PFAS: variants seen among roughly 807,000 people sequenced by gnomAD.
PFAS encodes the protein phosphoribosylformylglycinamidine synthase, also known as FGAM synthase.
Under a neutral mutation model 140.6 loss-of-function variants are expected in PFAS, and 97 were observed. That is an observed-to-expected ratio of 0.69 (90% CI 0.59 to 0.82). The LOEUF (loss-of-function observed/expected upper bound fraction) is 0.82, where lower values mean the gene tolerates loss of function less well. Among genes scored for constraint, PFAS ranks in the 40% least tolerant of loss-of-function variants. The pLI, the probability that PFAS is intolerant of heterozygous loss-of-function variation, is 0.00. For missense variants in PFAS, 1,656 were observed against 1,780.2 expected, an observed-to-expected ratio of 0.93 and a Z score of 1.26; for synonymous variants, 679 against 718.8, an observed-to-expected ratio of 0.94 and a Z score of 0.88.
At chr17:8,254,349 C>G in intron 3 of PFAS, 48 bp downstream of exon 3, 1 of 1,605,590 alleles carries the variant, frequency 6.2e-7, no homozygotes, top group Non-Finnish European at 8.5e-7. Flanking sequence ...TCCTTTGCTT[C>G]CTCTTGTGAT....
In PFAS at chr17:8,256,875, C is replaced by T. The variant is rs748748477; in HGVS notation, c.987C>T (p.Gly329=). Residue 329 remains glycine (G), a synonymous_variant, in exon 9 of 28, where the codon GGC becomes GGT. Coordinates refer to ENST00000314666, the MANE Select transcript of PFAS (RefSeq NM_012393.3). ...PFSGATTGTG[G]RIRDVQCTGR... ...GTGGTGCAACCACTGGCACAGGGGG[C>T]CGGATTCGAGATGTCCAGTGCACAG... 1.9e-6 allele frequency: 3 copies of T among 1,613,084 alleles called. No individual in the cohort carries two copies. The highest frequency in any genetic ancestry group is 1.7e-6 in the Non-Finnish European group (2 of 1,179,440).
intron 11 of PFAS, among the ~76,000 whole-genome samples, chr17:8,259,178 A>G (rs1400553342): frequency 2.0e-5 from 3 of 151,436 alleles, no homozygotes; most frequent in Admixed American, 2.0e-4. Flanking sequence ...GCTACTGTCA[A>G]TGTAACATGG....
upstream of PFAS, chr17:8,248,197 G>C (rs1047632719): frequency 4.7e-6 from 3 of 634,702 alleles, no homozygotes; most frequent in Non-Finnish European, 8.6e-6. Context: ...TCCGCGAGGC[G>C]CCTCGGTGCA....
chr17:8,268,463 G>T, intron 26 of PFAS, 70 bp from the exon 27 acceptor site: 3 of 1,035,304 alleles, frequency 2.9e-6, no homozygotes, highest in Non-Finnish European at 2.9e-6. Flanking sequence ...GAGCAGTTAT[G>T]CCCCTTCATT....
intron 7 of PFAS, 23 bp from the exon 8 acceptor site, chr17:8,256,501 G>GT (rs1380929999): frequency 3.7e-6 from 6 of 1,613,930 alleles, no homozygotes; most frequent in Non-Finnish European, 5.1e-6. Context: ...AGGAAGCAAG[G>GT]TCCATGACGG....
In PFAS at chr17:8,255,566, CAG is replaced by C; in HGVS notation, c.452_453del (p.Glu151AlafsTer13). The C allele has an allele frequency of 1.3e-6, 2 of 1,549,204 alleles. No individual in the cohort carries two copies. The highest frequency in any genetic ancestry group is 2.2e-5 in the East Asian group (1 of 44,652). ...CTGGCTACCCTGCACGACCGGATGA[CAG>C]AGCAGCACTTCCCCCATCCCATCCA... is the stretch of plus-strand genomic sequence containing the variant. On this transcript the variant is annotated frameshift_variant, in exon 5 of 28. Coordinates refer to ENST00000314666, the MANE Select transcript of PFAS (RefSeq NM_012393.3). LOFTEE classifies it high-confidence loss of function.
At chr17:8,251,833 G>C (rs11868250) in intron 1 of PFAS, among the ~76,000 whole-genome samples, 1 of 151,332 alleles carries the variant, frequency 6.6e-6, no homozygotes, top group Admixed American at 6.6e-5. Flanking sequence ...CACCACGCCC[G>C]GCTAATTTTT....
chr17:8,248,149 G>C, upstream of PFAS: 1 of 781,482 alleles, frequency 1.3e-6, no homozygotes, highest in Non-Finnish European at 2.2e-6. Flanking sequence ...GCCACCTCCA[G>C]CTCCTTCTCG....
In PFAS at chr17:8,265,986, G is replaced by C; in HGVS notation, c.2670G>C (p.Arg890=). The change falls in exon 21 of 28, where the codon CGG becomes CGC. Residue 890 remains arginine, a synonymous_variant. Transcript: ENST00000314666. The part of the protein sequence containing the change: ...PDLDLPENLV[R]AFSITQGLLK... ...TGGACCTTCCTGAGAACTTGGTGCG[G>C]GCCTTCAGCATCACTCAGGGGCTGC... 1 of 1,612,522 alleles carries C rather than the reference G, an allele frequency of 6.2e-7. No individual in the cohort carries two copies. Among genetic ancestry groups the C allele is most frequent in the South Asian group, 1.1e-5 (1 of 90,882 alleles).
chr17:8,253,545 T>C lies in PFAS; in HGVS notation c.-79-314T>C, dbSNP rs1597415287. 1.3e-5 allele frequency among the ~76,000 whole-genome samples: 2 copies of C among 152,200 alleles called. 1 individual carries two copies. Among genetic ancestry groups the C allele is most frequent in the South Asian group, 4.1e-4 (2 of 4,834 alleles). ...GCCATAGTTAATGTTATTTTTATTT[T>C]ATTTATTTATTGAGACGGAGTTTTG... is the stretch of plus-strand genomic sequence containing the variant. On this transcript the variant is annotated intron_variant, in intron 1 of 27. Transcript: ENST00000314666.
chr17:8,254,604 A>G (rs1655305025), intron 3 of PFAS, among the ~76,000 whole-genome samples: 1 of 152,136 alleles, frequency 6.6e-6, no homozygotes, highest in South Asian at 2.1e-4. Flanking sequence ...GGAGATTGAG[A>G]CCATCCTGGC....
At chr17:8,257,272 C>A (rs1204528265) in intron 9 of PFAS, among the ~76,000 whole-genome samples, 1 of 152,178 alleles carries the variant, frequency 6.6e-6, no homozygotes, top group African/African-American at 2.4e-5. Flanking sequence ...GCCTGAGAAA[C>A]TTGGCTGGGC....
In PFAS at chr17:8,265,471, G is replaced by A. The variant is rs1989775895; in HGVS notation, c.2461+3G>A. ...CACTGAGACCGTGCGGGCTCCTGGTGAGGTGTGGGAGCCCCAGGGAGGGGA... is the reference window on the plus strand; with the variant it reads ...CACTGAGACCGTGCGGGCTCCTGGTAAGGTGTGGGAGCCCCAGGGAGGGGA... On this transcript the variant is annotated splice_donor_region_variant and intron_variant, in intron 19 of 27. Transcript: ENST00000314666. The A allele has an allele frequency of 6.2e-7, 1 of 1,613,414 alleles. No homozygotes were observed.
At position 8,266,439 on chromosome 17, in the gene PFAS, C is replaced by A; in HGVS notation, c.2821+86C>A. The A allele has an allele frequency of 6.4e-7, 1 of 1,557,396 alleles. No homozygotes were observed. Among genetic ancestry groups the A allele is most frequent in the Non-Finnish European group, 8.7e-7 (1 of 1,149,822 alleles). ...TTCCAATATATTAAAGAGTGGAGTG[C>A]CCTCCAGTCCCCTTTCCCTGAGTCT... On this transcript the variant is annotated intron_variant, in intron 22 of 27. Coordinates refer to ENST00000314666, the MANE Select transcript of PFAS (RefSeq NM_012393.3). The surrounding 1 kb of genome is among the most constrained non-coding windows in gnomAD (Gnocchi z 5.0).
At chr17:8,255,424 A>G in intron 4 of PFAS, 78 bp from the exon 5 acceptor site, 1 of 1,142,262 alleles carries the variant, frequency 8.8e-7, no homozygotes, top group Admixed American at 2.4e-5. Flanking sequence ...TTGCATGACT[A>G]AGAGGGTAGG....
At chr17:8,257,760 C>T in intron 9 of PFAS, 47 bp from the exon 10 acceptor site, 2 of 1,608,970 alleles carry the variant, frequency 1.2e-6, no homozygotes, top group Non-Finnish European at 1.7e-6. Context: ...TCCGGCCTGT[C>T]TTCACAGTTC....
chr17:8,259,900 A>T (rs1462954162), intron 11 of PFAS, among the ~76,000 whole-genome samples: 1 of 152,218 alleles, frequency 6.6e-6, no homozygotes, highest in Non-Finnish European at 1.5e-5. Flanking sequence ...CAGGAGTTCA[A>T]GACCAGCCTG....
chr17:8,248,106 G>A, upstream of PFAS: 1 of 1,024,108 alleles, frequency 9.8e-7, no homozygotes, highest in Non-Finnish European at 1.5e-6. Context: ...GTGGGGGGGC[G>A]CTCGGTGACG....
intron 11 of PFAS, among the ~76,000 whole-genome samples, chr17:8,259,161 A>G (rs151283215): frequency 6.6e-6 from 1 of 151,336 alleles, no homozygotes; most frequent in African/African-American, 2.4e-5. Context: ...ATATGAGATA[A>G]TATGAAGCTA....
Sources: gnomAD v4.1 joint callset for allele counts (sites outside exome capture counted in the v4.1 genomes callset) on GRCh38, gnomAD v4.1.1 for gene constraint, Gnocchi (gnomAD v3.1) non-coding constraint, MANE v1.5 for transcripts, NCBI Gene and HGNC (gene_info 2026-07-23, HGNC 2026-07-21) for gene names.